RPS6KC1: variants seen among roughly 807,000 people sequenced by gnomAD.
RPS6KC1 encodes inactive ribosomal protein S6 kinase delta-1.
A neutral mutation model predicts 103.8 loss-of-function variants in RPS6KC1; 54 were observed. That is an observed-to-expected ratio of 0.52 (90% CI 0.42 to 0.65). The LOEUF (loss-of-function observed/expected upper bound fraction) is 0.65, where lower values mean the gene tolerates loss of function less well. RPS6KC1 is among the 30% of genes least tolerant of loss of function. The pLI is 0.00. For missense variants in RPS6KC1, 1,151 were observed against 1,253.8 expected, an observed-to-expected ratio of 0.92 and a Z score of 1.24; for synonymous variants, 439 against 438.7, an observed-to-expected ratio of 1.00 and a Z score of -0.01.
chr1:213,557,321 G>A, the RPS6KC1 span, among the ~76,000 whole-genome samples: 1 of 152,150 alleles, frequency 6.6e-6, no homozygotes, highest in Non-Finnish European at 1.5e-5. Flanking sequence ...CCTAAGTCAG[G>A]CCTCCAGAAG....
the RPS6KC1 span, among the ~76,000 whole-genome samples, chr1:213,814,286 G>A: frequency 5.3e-5 from 8 of 152,228 alleles, no homozygotes; most frequent in Non-Finnish European, 8.8e-5. Context: ...TGAGGGGCTT[G>A]GGCGAAGCCT....
At chr1:213,789,806 C>A in the RPS6KC1 span, among the ~76,000 whole-genome samples, 1 of 152,150 alleles carries the variant, frequency 6.6e-6, no homozygotes, top group Non-Finnish European at 1.5e-5. Context: ...TTGCCTAATG[C>A]CATCCATATT....
the RPS6KC1 span, among the ~76,000 whole-genome samples, chr1:213,797,353 AC>A: frequency 3.3e-5 from 5 of 152,110 alleles, no homozygotes; most frequent in Non-Finnish European, 7.4e-5. Flanking sequence ...TAGCAAATGA[AC>A]CCTGTGTTCA....
chr1:213,176,901 C>T (rs1251533768), intron 8 of RPS6KC1, among the ~76,000 whole-genome samples: 1 of 152,064 alleles, frequency 6.6e-6, no homozygotes, highest in Non-Finnish European at 1.5e-5. Context: ...ATATGTCGGA[C>T]CCTATGTTAG....
chr1:213,558,263 G>T, the RPS6KC1 span, among the ~76,000 whole-genome samples: 8 of 152,366 alleles, frequency 5.3e-5, no homozygotes, highest in East Asian at 1.5e-3. Flanking sequence ...TTATGAAAAA[G>T]ATGTCATGGG....
chr1:213,707,552 T>G, the RPS6KC1 span, among the ~76,000 whole-genome samples: 1 of 152,194 alleles, frequency 6.6e-6, no homozygotes, highest in Non-Finnish European at 1.5e-5. Flanking sequence ...TTTAATTAGA[T>G]CTCATTTGTC....
chr1:213,081,587 A>G (rs2079886970), intron 3 of RPS6KC1, among the ~76,000 whole-genome samples: 1 of 151,996 alleles, frequency 6.6e-6, no homozygotes, highest in Non-Finnish European at 1.5e-5. Flanking sequence ...GTGACCAATA[A>G]CAAAAGTGAT....
the RPS6KC1 span, among the ~76,000 whole-genome samples, chr1:213,569,099 TG>T: frequency 6.6e-6 from 1 of 152,092 alleles, no homozygotes; most frequent in Non-Finnish European, 1.5e-5. Flanking sequence ...ACCCTGGGCT[TG>T]GGGATAAAGT....
intron 1 of RPS6KC1, among the ~76,000 whole-genome samples, chr1:213,064,822 C>T (rs1348773889): frequency 6.7e-6 from 1 of 150,196 alleles, no homozygotes; most frequent in Non-Finnish European, 1.5e-5. Flanking sequence ...GGACTACAGG[C>T]ACCTGCCACC....
intron 6 of RPS6KC1, among the ~76,000 whole-genome samples, chr1:213,148,690 T>C (rs185982503): frequency 4.6e-5 from 7 of 152,300 alleles, no homozygotes; most frequent in African/African-American, 1.7e-4. Flanking sequence ...AATACTGGCC[T>C]CATAGAACGA....
At chr1:213,830,507 T>C in the RPS6KC1 span, among the ~76,000 whole-genome samples, 1 of 152,226 alleles carries the variant, frequency 6.6e-6, no homozygotes, top group East Asian at 1.9e-4. Flanking sequence ...TGGTGGCCCT[T>C]CATTGCTAAT....
the RPS6KC1 span, among the ~76,000 whole-genome samples, chr1:213,299,879 A>C: frequency 6.6e-6 from 1 of 152,014 alleles, no homozygotes; most frequent in Non-Finnish European, 1.5e-5. Flanking sequence ...ATTTCTGCTC[A>C]CTGTAAGCTC....
chr1:213,834,770 G>A, the RPS6KC1 span, among the ~76,000 whole-genome samples: 11 of 151,880 alleles, frequency 7.2e-5, no homozygotes, highest in African/African-American at 2.7e-4. Context: ...CATTTTCACA[G>A]TATCTCTGCA....
the RPS6KC1 span, among the ~76,000 whole-genome samples, chr1:213,774,886 C>G: frequency 0.13 from 19,064 of 152,284 alleles, 1,423 homozygotes; most frequent in Middle Eastern, 0.28. Flanking sequence ...GCAGCCCGCA[C>G]TCCATGTGGG....
the RPS6KC1 span, among the ~76,000 whole-genome samples, chr1:213,826,403 G>T: frequency 6.6e-6 from 1 of 152,124 alleles, no homozygotes; most frequent in South Asian, 2.1e-4. Flanking sequence ...CCCACAGTTT[G>T]CTTAGAGAAA....
At chr1:213,780,284 T>G in the RPS6KC1 span, among the ~76,000 whole-genome samples, 3 of 152,182 alleles carry the variant, frequency 2.0e-5, no homozygotes, top group South Asian at 4.1e-4. Flanking sequence ...GGTGAACAAG[T>G]GCATTGCCAA....
chr1:213,833,944 A>G, the RPS6KC1 span, among the ~76,000 whole-genome samples: 1 of 152,214 alleles, frequency 6.6e-6, no homozygotes, highest in Admixed American at 6.5e-5. Context: ...TTCTGAAGTT[A>G]GAAGAAAATT....
chr1:213,368,276 TG>T, the RPS6KC1 span, among the ~76,000 whole-genome samples: 1 of 147,890 alleles, frequency 6.8e-6, no homozygotes, highest in Admixed American at 6.6e-5. Context: ...GGGGCTTTAA[TG>T]ATGGGGGTTT....
chr1:213,168,246 T>G (rs1385274787), intron 7 of RPS6KC1, among the ~76,000 whole-genome samples: 1 of 152,246 alleles, frequency 6.6e-6, no homozygotes, highest in Non-Finnish European at 1.5e-5. Flanking sequence ...TATACTGTTA[T>G]GATATCTATT....
Sources: allele counts gnomAD v4.1 joint callset (sites outside exome capture counted in the v4.1 genomes callset), GRCh38; gene constraint gnomAD v4.1.1; transcripts MANE v1.5; gene names NCBI Gene and HGNC (gene_info 2026-07-23, HGNC 2026-07-21).